SCFD2: variants seen among roughly 807,000 people sequenced by gnomAD.
SCFD2 encodes the protein sec1 family domain containing 2, also known as sec1 family domain-containing protein 2.
A neutral mutation model predicts 58.9 loss-of-function variants in SCFD2; 54 were observed. The observed-to-expected ratio is 0.92, with a 90% CI of 0.74 to 1.15. The LOEUF is 1.15. SCFD2 is among the 50% of genes most tolerant of loss of function. The pLI is 0.00. For missense variants in SCFD2, 805 were observed against 836.6 expected (o/e 0.96, Z 0.47); for synonymous variants, 321 against 335.9 (o/e 0.96, Z 0.49).
At chr4:53,308,648 A>T (rs1421373444) in intron 3 of SCFD2, among the ~76,000 whole-genome samples, 1 of 152,224 alleles carries the variant, frequency 6.6e-6, no homozygotes, top group Admixed American at 6.5e-5. Context: ...ATGAATTCAC[A>T]TATCAAAAAC....
At chr4:53,106,376 C>T (rs184683343) in intron 5 of SCFD2, among the ~76,000 whole-genome samples, 5 of 152,194 alleles carry the variant, frequency 3.3e-5, no homozygotes, top group Non-Finnish European at 7.4e-5. Context: ...ATGAGTTTGA[C>T]GAATTGCCAG....
chr4:53,283,967 A>C (rs1731583959), intron 3 of SCFD2, among the ~76,000 whole-genome samples: 1 of 151,602 alleles, frequency 6.6e-6, no homozygotes, highest in Non-Finnish European at 1.5e-5. Flanking sequence ...AAATACAAAA[A>C]AATTAGCCAG....
chr4:53,352,514 T>A (rs1560462076), intron 2 of SCFD2, 84 bp downstream of exon 2: 1 of 1,146,586 alleles, frequency 8.7e-7, no homozygotes, highest in Non-Finnish European at 1.2e-6. Flanking sequence ...CTTCATTGCT[T>A]TTTTCCTATG....
At chr4:53,303,544 C>T (rs1040272441) in intron 3 of SCFD2, among the ~76,000 whole-genome samples, 5 of 152,242 alleles carry the variant, frequency 3.3e-5, no homozygotes, top group East Asian at 3.9e-4. Flanking sequence ...GTCAGTGTGG[C>T]GATTCCTCAG....
At chr4:53,143,676 G>A (rs567894417) in intron 5 of SCFD2, among the ~76,000 whole-genome samples, 9 of 151,962 alleles carry the variant, frequency 5.9e-5, no homozygotes, top group Non-Finnish European at 1.0e-4. Flanking sequence ...TTCTGCTCCC[G>A]GGAAGTCTGG....
chr4:53,016,652 A>G (rs1431674175), intron 5 of SCFD2, among the ~76,000 whole-genome samples: 2 of 152,220 alleles, frequency 1.3e-5, no homozygotes, highest in African/African-American at 2.4e-5. Flanking sequence ...CAGATGAGTA[A>G]GAGGCTCTAA....
intron 4 of SCFD2, among the ~76,000 whole-genome samples, chr4:53,178,745 C>T (rs1273355633): frequency 1.3e-5 from 2 of 152,132 alleles, no homozygotes; most frequent in Admixed American, 6.5e-5. Context: ...AAGTTAAAAA[C>T]TTTGAAAAAA....
chr4:52,874,250 G>A (rs1276019244), intron 8 of SCFD2, among the ~76,000 whole-genome samples, 189 bp from the exon 9 acceptor site: 2 of 152,160 alleles, frequency 1.3e-5, no homozygotes, highest in Admixed American at 6.5e-5. Flanking sequence ...AAGGAGGGGG[G>A]CACAGTCTGG....
intron 4 of SCFD2, among the ~76,000 whole-genome samples, chr4:53,251,466 T>C (rs1008158724): frequency 2.6e-5 from 4 of 152,150 alleles, no homozygotes; most frequent in African/African-American, 7.2e-5. Context: ...TTGATGAACA[T>C]TGATGCAAAA....
Position 53,237,955 on chromosome 4 carries a change from C to T in SCFD2, c.1311+35871G>A, listed in dbSNP as rs562060776. On this transcript the variant is annotated intron_variant, in intron 4 of 8. Coordinates refer to ENST00000401642, the MANE Select transcript of SCFD2 (RefSeq NM_152540.4). ...ACGGGGCGGCTGGCCGGGCGAGGGG[C>T]TGACCCCCCCACCTCCCTCCCGGAC... is the stretch of plus-strand genomic sequence containing the variant. Among the ~76,000 whole-genome samples, 652 of 116,374 alleles carry T rather than the reference C, an allele frequency of 5.6e-3. 4 individuals carry two copies. Among genetic ancestry groups the T allele is most frequent in the Middle Eastern group, 0.023 (3 of 128 alleles). 76.3% of individuals were successfully genotyped at this position (116,374 alleles called of 152,430 possible).
intron 5 of SCFD2, among the ~76,000 whole-genome samples, chr4:52,921,747 C>T (rs754576280): frequency 8.5e-5 from 13 of 152,100 alleles, no homozygotes; most frequent in Non-Finnish European, 1.3e-4. Context: ...TCTGTGTATT[C>T]CGACTGCTTC....
chr4:52,950,728 T>G (rs1215849461), intron 5 of SCFD2: 1 of 152,108 alleles, frequency 6.6e-6, no homozygotes, highest in Non-Finnish European at 1.5e-5. Flanking sequence ...TTAAAGAGAC[T>G]TGGGGATATA....
intron 7 of SCFD2, among the ~76,000 whole-genome samples, chr4:52,895,507 T>C (rs1318553367): frequency 1.3e-5 from 2 of 152,206 alleles, no homozygotes; most frequent in Non-Finnish European, 2.9e-5. Context: ...GAACTCATCC[T>C]TTTTTATGGC....
At chr4:53,178,227 A>G (rs1727411006) in intron 4 of SCFD2, among the ~76,000 whole-genome samples, 1 of 152,178 alleles carries the variant, frequency 6.6e-6, no homozygotes, top group African/African-American at 2.4e-5. Flanking sequence ...ACCCCCGAGT[A>G]GCCTAACTGG....
intron 4 of SCFD2, among the ~76,000 whole-genome samples, chr4:53,251,699 A>G (rs1730389478): frequency 6.6e-6 from 1 of 151,750 alleles, no homozygotes; most frequent in Non-Finnish European, 1.5e-5. Context: ...CATGCTAAAA[A>G]CTCTCAATAA....
rs779055152 is a variant in SCFD2, at chr4:53,365,799, G to C, written c.143C>G (p.Ala48Gly). The change falls in exon 1 of 9, where the codon GCG (alanine) becomes GGG (glycine). Residue 48 changes from alanine (A) to glycine (G), a missense_variant. By Grantham distance (60) the Ala-to-Gly change is moderately conservative. Around this residue, in one of 3 missense-constraint regions of SCFD2, gnomAD observed 155 missense variants for 149.7 expected, o/e 1.04. Transcript: ENST00000401642. The surrounding 1 kb of genome is among the most constrained non-coding windows in gnomAD (Gnocchi z 4.3). ...WGCGSTRLLE[A>G]VGGPDCHLRE... Reference sequence around the variant, plus strand: ...CAGGTGACAGTCAGGACCCCCCACCGCCTCCAGGAGACGGGTGGATCCGCA... The same window carrying C: ...CAGGTGACAGTCAGGACCCCCCACCCCCTCCAGGAGACGGGTGGATCCGCA... 3 of 1,613,788 alleles carry C rather than the reference G, an allele frequency of 1.9e-6. No individual in the cohort carries two copies. The African/African-American group carries it at 4.0e-5, about 22-fold the overall frequency.
intron 5 of SCFD2, among the ~76,000 whole-genome samples, chr4:52,925,255 ATG>A (rs10629778): frequency 7.3e-6 from 1 of 137,786 alleles, no homozygotes. Context: ...CTAAGGCCAC[ATG>A]TGTATATATA....
intron 5 of SCFD2, among the ~76,000 whole-genome samples, chr4:53,103,125 A>C (rs1462277123): frequency 1.3e-5 from 2 of 152,142 alleles, no homozygotes; most frequent in Non-Finnish European, 2.9e-5. Context: ...GGTCTCAAAG[A>C]AAATGACCAC....
intron 1 of SCFD2, among the ~76,000 whole-genome samples, chr4:53,361,620 T>G (rs1232498338): frequency 2.0e-5 from 3 of 152,148 alleles, no homozygotes; most frequent in Admixed American, 1.3e-4. Context: ...TGTTCTTGAA[T>G]TCCTAGGCTC....
Sources: gnomAD v4.1 joint callset for allele counts (sites outside exome capture counted in the v4.1 genomes callset) on GRCh38, gnomAD v4.1.1 for gene constraint, gnomAD v4.1.1 regional missense constraint, Gnocchi (gnomAD v3.1) non-coding constraint, MANE v1.5 for transcripts, NCBI Gene and HGNC (gene_info 2026-07-23, HGNC 2026-07-21) for gene names.